Variants in ARHGEF28 observed in about 807,000 individuals in gnomAD.
ARHGEF28 encodes the protein Rho guanine nucleotide exchange factor 28.
In ARHGEF28, 152 loss-of-function variants were observed where a neutral mutation model predicts 206.6. That is an observed-to-expected ratio of 0.74 (90% CI 0.64 to 0.84). The LOEUF (loss-of-function observed/expected upper bound fraction) is 0.84. Ranked by LOEUF, ARHGEF28 falls within the 40% of genes least tolerant of loss-of-function variation. The pLI, the probability that ARHGEF28 is intolerant of heterozygous loss-of-function variation, is 0.00. For synonymous variants in ARHGEF28, 763 were observed against 776.4 expected (o/e 0.98, Z 0.29); for missense variants, 2,028 against 2,073.2 (o/e 0.98, Z 0.42).
chr5:73,819,372 G>A (rs1756430231), intron 9 of ARHGEF28, among the ~76,000 whole-genome samples: 1 of 152,172 alleles, frequency 6.6e-6, no homozygotes, highest in Non-Finnish European at 1.5e-5. Flanking sequence ...GAGTGCAGTG[G>A]GATGGGAACC....
chr5:73,839,444 G>A (rs1478630350), intron 10 of ARHGEF28, among the ~76,000 whole-genome samples: 2 of 152,086 alleles, frequency 1.3e-5, no homozygotes, highest in African/African-American at 2.4e-5. Context: ...TCTCTAAATG[G>A]TGTTACTGTC....
intron 1 of ARHGEF28, among the ~76,000 whole-genome samples, chr5:73,671,109 T>C (rs189981885): frequency 1.3e-5 from 2 of 152,350 alleles, no homozygotes. Flanking sequence ...TCATGGCCTC[T>C]ATAAAGTTTG....
At chr5:73,855,325 A>G (rs1758950618) in intron 14 of ARHGEF28, among the ~76,000 whole-genome samples, 2 of 152,190 alleles carry the variant, frequency 1.3e-5, no homozygotes, top group South Asian at 4.1e-4. Flanking sequence ...TCACATTTCT[A>G]CCAGGTTGGG....
intron 7 of ARHGEF28, chr5:73,786,432 G>A (rs76120541): frequency 0.053 from 8,136 of 152,208 alleles, 320 homozygotes; most frequent in African/African-American, 0.11. Flanking sequence ...TCTATTTAGC[G>A]TCTGGACTGC....
At chr5:73,661,736 A>C (rs910307987) in intron 1 of ARHGEF28, among the ~76,000 whole-genome samples, 7 of 152,118 alleles carry the variant, frequency 4.6e-5, no homozygotes, top group African/African-American at 1.7e-4. Flanking sequence ...GAGCAGACAG[A>C]ACACACATAA....
At chr5:73,867,413 C>T (rs936155257) in intron 18 of ARHGEF28, among the ~76,000 whole-genome samples, 5 of 152,186 alleles carry the variant, frequency 3.3e-5, no homozygotes, top group Non-Finnish European at 7.3e-5. Flanking sequence ...GCCTGAGATC[C>T]TTATACCATG....
intron 2 of ARHGEF28, among the ~76,000 whole-genome samples, chr5:73,734,931 G>C (rs1026403386): frequency 7.9e-5 from 12 of 152,020 alleles, no homozygotes; most frequent in Non-Finnish European, 1.8e-4. Context: ...TCTGAATCCT[G>C]TTTCCAGCTT....
At chr5:73,662,227 T>G (rs1386905987) in intron 1 of ARHGEF28, among the ~76,000 whole-genome samples, 1 of 152,248 alleles carries the variant, frequency 6.6e-6, no homozygotes, top group East Asian at 1.9e-4. Context: ...TAGTTTCTAG[T>G]GTCTTTATAA....
At chr5:73,858,924 C>A (rs1357479883) in intron 16 of ARHGEF28, among the ~76,000 whole-genome samples, 2 of 152,226 alleles carry the variant, frequency 1.3e-5, no homozygotes, top group African/African-American at 4.8e-5. Context: ...GCTCCAGTCA[C>A]ACTGGCATCT....
intron 1 of ARHGEF28, among the ~76,000 whole-genome samples, chr5:73,645,013 T>C (rs1744344147): frequency 6.6e-6 from 1 of 152,236 alleles, no homozygotes; most frequent in Non-Finnish European, 1.5e-5. Context: ...TATCTTTTTA[T>C]AGTTTTTAGA....
At chr5:73,662,042 A>AAT (rs1203438371) in intron 1 of ARHGEF28, among the ~76,000 whole-genome samples, 6 of 152,220 alleles carry the variant, frequency 3.9e-5, no homozygotes, top group African/African-American at 1.2e-4. Flanking sequence ...CTTGAAGCAC[A>AAT]ACAAGACATG....
At chr5:73,648,062 A>G (rs1486447750) in intron 1 of ARHGEF28, among the ~76,000 whole-genome samples, 2 of 152,214 alleles carry the variant, frequency 1.3e-5, no homozygotes, top group Non-Finnish European at 2.9e-5. Context: ...ACTCTTATCC[A>G]TCAAAAGTTG....
intron 2 of ARHGEF28, among the ~76,000 whole-genome samples, chr5:73,698,895 A>T (rs1748391273): frequency 6.6e-6 from 1 of 151,424 alleles, no homozygotes; most frequent in Admixed American, 6.6e-5. Flanking sequence ...GGCTGACTGG[A>T]GGGGAGGGTT....
intron 7 of ARHGEF28, among the ~76,000 whole-genome samples, chr5:73,790,423 A>T (rs1428401125): frequency 2.0e-5 from 3 of 152,208 alleles, no homozygotes; most frequent in Admixed American, 2.0e-4. Flanking sequence ...TATAGAATAG[A>T]AATATAAAAA....
intron 2 of ARHGEF28, among the ~76,000 whole-genome samples, chr5:73,686,479 A>C (rs1747477193): frequency 6.6e-6 from 1 of 152,090 alleles, no homozygotes; most frequent in Non-Finnish European, 1.5e-5. Flanking sequence ...AAATGAACCA[A>C]ATAAAAACAA....
chr5:73,782,932 A>G (rs971280979), intron 7 of ARHGEF28, among the ~76,000 whole-genome samples: 2 of 152,152 alleles, frequency 1.3e-5, no homozygotes, highest in African/African-American at 4.8e-5. Context: ...CTTGTTGCTT[A>G]TTTAAGCCTC....
chr5:73,909,152 A>G (rs964467419), intron 33 of ARHGEF28: 2 of 355,716 alleles, frequency 5.6e-6, no homozygotes, highest in Non-Finnish European at 1.0e-5. Flanking sequence ...CTACCTTCCC[A>G]CAGGAGAGGA....
chr5:73,886,236 G>T (rs1761286284), intron 25 of ARHGEF28, 132 bp downstream of exon 25: 1 of 1,185,078 alleles, frequency 8.4e-7, no homozygotes, highest in Non-Finnish European at 1.1e-6. Context: ...TTGAAAGATT[G>T]ATTTGTGAAT....
At chr5:73,659,979 G>T (rs1006680505) in intron 1 of ARHGEF28, among the ~76,000 whole-genome samples, 1 of 152,034 alleles carries the variant, frequency 6.6e-6, no homozygotes, top group Admixed American at 6.6e-5. Context: ...GAAGGTTGGG[G>T]TGGCTCTTTA....
Sources: allele counts gnomAD v4.1 joint callset (sites outside exome capture counted in the v4.1 genomes callset), GRCh38; gene constraint gnomAD v4.1.1; transcripts MANE v1.5; gene names NCBI Gene and HGNC (gene_info 2026-07-23, HGNC 2026-07-21).